Variants in UBE2E2 observed in about 807,000 individuals in gnomAD.
The protein encoded by UBE2E2 is ubiquitin-conjugating enzyme E2 E2.
Under a neutral mutation model 24.7 loss-of-function variants are expected in UBE2E2, and 6 were observed. The observed-to-expected ratio is 0.24, with a 90% CI of 0.13 to 0.48. UBE2E2 has a LOEUF of 0.48. UBE2E2 is among the 20% of genes least tolerant of loss of function. UBE2E2 has a pLI of 0.99. For missense variants in UBE2E2, 169 were observed against 245.0 expected, an observed-to-expected ratio of 0.69 and a Z score of 2.07; for synonymous variants, 104 against 83.6, an observed-to-expected ratio of 1.24 and a Z score of -1.33.
Position 23,298,896 on chromosome 3 carries a change from T to C in UBE2E2, c.227+81584T>C, listed in dbSNP as rs186592352. Among the ~76,000 whole-genome samples, 338 of 152,296 alleles carry C rather than the reference T, an allele frequency of 2.2e-3. 2 individuals are homozygous for C. The highest frequency in any genetic ancestry group is 7.7e-3 in the African/African-American group (320 of 41,568). ...TCGTCTTTGTACCTCTGGTAGAATT[T>C]GGCTGTGAATTCATCTGGTCCTGGA... On this transcript the variant is annotated intron_variant, in intron 3 of 5. Transcript: ENST00000396703.
intron 3 of UBE2E2, among the ~76,000 whole-genome samples, chr3:23,420,461 G>A (rs1697769835): frequency 6.6e-6 from 1 of 152,154 alleles, no homozygotes; most frequent in Non-Finnish European, 1.5e-5. Flanking sequence ...ATATTATTCA[G>A]GCTTTTTAAA....
intron 3 of UBE2E2, among the ~76,000 whole-genome samples, chr3:23,499,074 T>G (rs1378299061): frequency 6.6e-6 from 1 of 152,206 alleles, no homozygotes; most frequent in South Asian, 2.1e-4. Flanking sequence ...TAAAACAAAA[T>G]GATACATCTT....
At chr3:23,346,513 T>C (rs535655902) in intron 3 of UBE2E2, among the ~76,000 whole-genome samples, 1 of 152,328 alleles carries the variant, frequency 6.6e-6, no homozygotes, top group South Asian at 2.1e-4. Flanking sequence ...TGACCGATAT[T>C]GGTGACATTT....
At chr3:23,394,065 C>G (rs566666596) in intron 3 of UBE2E2, among the ~76,000 whole-genome samples, 1 of 152,270 alleles carries the variant, frequency 6.6e-6, no homozygotes, top group African/African-American at 2.4e-5. Flanking sequence ...GAGTTTAATA[C>G]TCTGGTCTGT....
At chr3:23,368,258 G>T (rs1042442657) in intron 3 of UBE2E2, among the ~76,000 whole-genome samples, 1 of 152,022 alleles carries the variant, frequency 6.6e-6, no homozygotes, top group Non-Finnish European at 1.5e-5. Context: ...TGATGATGAT[G>T]GCTCCTCCAA....
At chr3:23,279,823 A>G (rs1304840850) in intron 3 of UBE2E2, among the ~76,000 whole-genome samples, 1 of 152,240 alleles carries the variant, frequency 6.6e-6, no homozygotes, top group African/African-American at 2.4e-5. Flanking sequence ...ACCTTATGGC[A>G]ATGAACAAAC....
intron 3 of UBE2E2, among the ~76,000 whole-genome samples, chr3:23,384,841 C>G (rs13066741): frequency 6.6e-6 from 1 of 152,048 alleles, no homozygotes; most frequent in Admixed American, 6.6e-5. Flanking sequence ...ACACCTGGCC[C>G]CTGGATGTAA....
At chr3:23,549,049 T>G (rs1199325544) in intron 5 of UBE2E2, among the ~76,000 whole-genome samples, 1 of 152,222 alleles carries the variant, frequency 6.6e-6, no homozygotes, top group Non-Finnish European at 1.5e-5. Flanking sequence ...TCTTAATAAA[T>G]GGCCTCTTTC....
chr3:23,418,443 G>A (rs117267155), intron 3 of UBE2E2, among the ~76,000 whole-genome samples: 4,489 of 152,212 alleles, frequency 0.029, 112 homozygotes, highest in East Asian at 0.13. Flanking sequence ...CCCACCTTCC[G>A]TGTTGATCTT....
At position 23,539,790 on chromosome 3, in the gene UBE2E2, G is replaced by A. The variant is rs1305091011; in HGVS notation, c.508+7089G>A. Among the ~76,000 whole-genome samples the A allele has an allele frequency of 2.6e-5, 4 of 152,062 alleles. No individual in the cohort carries two copies. The East Asian group carries it at 7.7e-4, about 29-fold the overall frequency. On this transcript the variant is annotated intron_variant, in intron 5 of 5. Coordinates refer to ENST00000396703, the MANE Select transcript of UBE2E2 (RefSeq NM_152653.4). ...AAAATCTTACTAGTTCAGTATAATT[G>A]AGAAAAGATCAGACTGATTTTTTTT...
chr3:23,354,784 A>C (rs368022896), intron 3 of UBE2E2, among the ~76,000 whole-genome samples: 6 of 152,210 alleles, frequency 3.9e-5, no homozygotes, highest in Admixed American at 6.5e-5. Context: ...GTTGGTGGGA[A>C]TGTAAACTAG....
chr3:23,423,750 T>G (rs1697857934), intron 3 of UBE2E2, among the ~76,000 whole-genome samples: 1 of 152,242 alleles, frequency 6.6e-6, no homozygotes, highest in African/African-American at 2.4e-5. Context: ...GAGTCTTTAT[T>G]ATGATACTCA....
intron 5 of UBE2E2, among the ~76,000 whole-genome samples, chr3:23,578,027 G>C (rs1033923921): frequency 4.0e-5 from 5 of 124,408 alleles, no homozygotes; most frequent in African/African-American, 1.6e-4. Flanking sequence ...AAAAAAAAAA[G>C]ATTCTTTTCA....
At chr3:23,340,256 A>G (rs1247242994) in intron 3 of UBE2E2, among the ~76,000 whole-genome samples, 2 of 152,146 alleles carry the variant, frequency 1.3e-5, no homozygotes, top group Admixed American at 6.5e-5. Flanking sequence ...TCATGTTTTC[A>G]GAATGCACAG....
At chr3:23,204,605 C>A in intron 1 of UBE2E2, 1 of 855,010 alleles carries the variant, frequency 1.2e-6, no homozygotes, top group Non-Finnish European at 1.4e-6. Flanking sequence ...TGCTCCTTGG[C>A]TCTTTGGAAT....
Position 23,587,052 on chromosome 3 carries a change from T to C in UBE2E2, c.509-2682T>C, listed in dbSNP as rs141843255. Among the ~76,000 whole-genome samples the C allele has an allele frequency of 3.3e-5, 5 of 152,332 alleles. No homozygotes were observed. In the East Asian group the frequency reaches 9.6e-4, roughly 29 times the overall value. ...TTGCATATTGTCTGAGGTGGTTTTC[T>C]AAATTATTATTAATTACTGTTTTAT... On this transcript the variant is annotated intron_variant, in intron 5 of 5. Transcript: ENST00000396703.
At chr3:23,357,998 G>A (rs1037216052) in intron 3 of UBE2E2, among the ~76,000 whole-genome samples, 1 of 152,056 alleles carries the variant, frequency 6.6e-6, no homozygotes, top group African/African-American at 2.4e-5. Context: ...ACCATGCCTG[G>A]CTAATTTTTT....
chr3:23,273,507 G>T (rs9820931), intron 3 of UBE2E2, among the ~76,000 whole-genome samples: 50,616 of 150,156 alleles, frequency 0.34, 8,698 homozygotes, highest in South Asian at 0.4. Flanking sequence ...CTCCAGCCTG[G>T]GCGACAGAGC....
chr3:23,325,404 G>A (rs1694857912), intron 3 of UBE2E2, among the ~76,000 whole-genome samples: 1 of 152,156 alleles, frequency 6.6e-6, no homozygotes, highest in Non-Finnish European at 1.5e-5. Flanking sequence ...CACTTACCAG[G>A]AGTATACCAT....
Sources: gnomAD v4.1 joint callset for allele counts (sites outside exome capture counted in the v4.1 genomes callset) on GRCh38, gnomAD v4.1.1 for gene constraint, MANE v1.5 for transcripts, NCBI Gene and HGNC (gene_info 2026-07-23, HGNC 2026-07-21) for gene names.